The following BLTP1 variants were observed in gnomAD, a reference collection of about 807,000 sequenced individuals.
BLTP1 encodes the protein fragile site-associated protein.
chr4:122,259,913 AC>A, the BLTP1 span: 1 of 941,220 alleles, frequency 1.1e-6, no homozygotes, highest in Non-Finnish European at 1.3e-6. Context: ...TCACATTGAT[AC>A]CCAGAATCTG....
At chr4:122,298,373 T>C in the BLTP1 span, 1 of 266,908 alleles carries the variant, frequency 3.7e-6, no homozygotes, top group African/African-American at 2.3e-5. Flanking sequence ...TGTTAGAAAG[T>C]GTCAAGATAT....
chr4:122,158,632 G>A, the BLTP1 span, among the ~76,000 whole-genome samples: 2 of 152,096 alleles, frequency 1.3e-5, no homozygotes, highest in African/African-American at 4.8e-5. Context: ...TTAGCCGGGC[G>A]TGGTGGCGGG....
the BLTP1 span, among the ~76,000 whole-genome samples, chr4:122,180,334 T>C: frequency 1.3e-5 from 2 of 152,228 alleles, no homozygotes; most frequent in African/African-American, 4.8e-5. Context: ...GGTCAAATTC[T>C]TACTAGTCAT....
the BLTP1 span, chr4:122,234,625 G>A: frequency 2.3e-6 from 2 of 883,802 alleles, no homozygotes; most frequent in Non-Finnish European, 3.3e-6. Flanking sequence ...AAAAAACACA[G>A]TGGGAATAAA....
At chr4:122,210,813 C>T in the BLTP1 span, 1 of 1,546,552 alleles carries the variant, frequency 6.5e-7, no homozygotes, top group Non-Finnish European at 8.7e-7. Flanking sequence ...TGAATATTTC[C>T]TTGAAGATCT....
At chr4:122,211,209 A>G in the BLTP1 span, 2 of 899,578 alleles carry the variant, frequency 2.2e-6, no homozygotes, top group Non-Finnish European at 1.7e-6. Context: ...AGTGTTGAGG[A>G]TATACCAGAT....
chr4:122,289,365 T>A, the BLTP1 span: 1 of 513,438 alleles, frequency 1.9e-6, no homozygotes, highest in African/African-American at 2.1e-5. Context: ...AGTGTTTGCT[T>A]ATCATTTTTG....
chr4:122,239,579 T>C, the BLTP1 span: 2 of 1,613,960 alleles, frequency 1.2e-6, no homozygotes, highest in Non-Finnish European at 1.7e-6. Context: ...AGTCAGTAGG[T>C]CAATCTCCTC....
chr4:122,327,933 T>C, the BLTP1 span: 1 of 404,728 alleles, frequency 2.5e-6, no homozygotes, highest in Non-Finnish European at 4.2e-6. Context: ...GTTGGCCCTT[T>C]TGCTTCCTTC....
the BLTP1 span, among the ~76,000 whole-genome samples, chr4:122,156,748 A>G: frequency 3.9e-5 from 6 of 152,256 alleles, no homozygotes; most frequent in Non-Finnish European, 8.8e-5. Flanking sequence ...ATAAAGAGTC[A>G]TCAGTAAGAA....
At chr4:122,348,456 C>G in the BLTP1 span, 1 of 863,958 alleles carries the variant, frequency 1.2e-6, no homozygotes, top group Non-Finnish European at 1.7e-6. Flanking sequence ...GATTCTAATA[C>G]AAGAATATTA....
chr4:122,230,255 G>A, the BLTP1 span: 1 of 1,510,706 alleles, frequency 6.6e-7, no homozygotes, highest in South Asian at 1.2e-5. Flanking sequence ...CTGTTCAGAT[G>A]AAAAAAACTA....
the BLTP1 span, chr4:122,246,575 AATACATAG>A: frequency 1.5e-6 from 2 of 1,327,674 alleles, no homozygotes; most frequent in Non-Finnish European, 2.1e-6. Flanking sequence ...TTCACTGTCA[AATACATAG>A]ATATGCCATT....
chr4:122,257,972 C>T, the BLTP1 span, among the ~76,000 whole-genome samples: 2 of 152,114 alleles, frequency 1.3e-5, no homozygotes, highest in Admixed American at 6.6e-5. Context: ...TGTCATCTTC[C>T]CTATGCCACA....
At chr4:122,276,731 A>G in the BLTP1 span, 26 of 923,992 alleles carry the variant, frequency 2.8e-5, no homozygotes, top group Non-Finnish European at 3.2e-5. Context: ...TCCGTAAACT[A>G]CTGCCTCCAC....
At chr4:122,197,927 G>C in the BLTP1 span, 2 of 974,696 alleles carry the variant, frequency 2.1e-6, no homozygotes, top group Non-Finnish European at 2.4e-6. Flanking sequence ...ATTGAGAGCA[G>C]TTAAGATGAA....
At chr4:122,266,941 A>G in the BLTP1 span, 12 of 1,582,686 alleles carry the variant, frequency 7.6e-6, no homozygotes, top group Non-Finnish European at 4.3e-6. Context: ...AAGAGAGAAA[A>G]GGCAAAAGAG....
At chr4:122,157,799 A>G in the BLTP1 span, among the ~76,000 whole-genome samples, 1 of 152,198 alleles carries the variant, frequency 6.6e-6, no homozygotes, top group Non-Finnish European at 1.5e-5. Context: ...AATTTCAGTT[A>G]TAGTAATATT....
At chr4:122,189,915 A>G in the BLTP1 span, 4 of 1,487,248 alleles carry the variant, frequency 2.7e-6, no homozygotes, top group Non-Finnish European at 3.6e-6. Flanking sequence ...TTTTCTTTTC[A>G]CCTATTGCCA....
Sources: gnomAD v4.1 joint callset for allele counts (sites outside exome capture counted in the v4.1 genomes callset) on GRCh38, gnomAD v4.1.1 for gene constraint, MANE v1.5 for transcripts, NCBI Gene and HGNC (gene_info 2026-07-23, HGNC 2026-07-21) for gene names.